Variants in EP400 observed in about 807,000 individuals in gnomAD.
EP400 encodes the protein E1A binding protein p400, also known as E1A-binding protein p400.
EP400 carries 105 observed loss-of-function variants against 354.1 expected under a neutral mutation model. That is an observed-to-expected ratio of 0.30 (90% CI 0.25 to 0.35). The LOEUF (loss-of-function observed/expected upper bound fraction) is 0.35. Among genes scored for constraint, EP400 ranks in the 10% least tolerant of loss-of-function variants. The probability of loss-of-function intolerance (pLI) is 1.00; values close to 1 mark genes in which losing one functional copy is unlikely to be tolerated. For synonymous variants in EP400, 1,646 were observed against 1,716.9 expected (o/e 0.96, Z 1.02); for missense variants, 3,280 against 4,121.0 (o/e 0.80, Z 5.59).
At chr12:132,031,373 A>G in intron 29 of EP400, 1 of 518,972 alleles carries the variant, frequency 1.9e-6, no homozygotes, top group Non-Finnish European at 3.8e-6. Flanking sequence ...TGCAAGGTGG[A>G]CTCTAACTTT....
In EP400 at chr12:132,025,173, A is replaced by G. The variant is rs985004376; in HGVS notation, c.4856-473A>G. 6.6e-6 allele frequency among the ~76,000 whole-genome samples: 1 copy of G among 152,140 alleles called. No individual in the cohort carries two copies. The highest frequency in any genetic ancestry group is 2.1e-4 in the South Asian group (1 of 4,824). ...ATTCATAGAGATGACCTGGGAAACT[A>G]TCTTCTCCAGAGTAAAAGAAGTCAG... On this transcript the variant is annotated intron_variant, in intron 24 of 52. Transcript: ENST00000389561. This position sits in a 1 kb window ranked among gnomAD's most constrained non-coding sequence, Gnocchi z 4.1.
chr12:132,013,733 G>C lies in EP400; in HGVS notation c.3787-44G>C, dbSNP rs1721889321. On this transcript the variant is annotated intron_variant, in intron 18 of 52. Coordinates refer to ENST00000389561, the MANE Select transcript of EP400 (RefSeq NM_015409.5). This position sits in a 1 kb window ranked among gnomAD's most constrained non-coding sequence, Gnocchi z 4.5. ...TATGCCTTGTTATAAACGTGTTACA[G>C]CAGCATTTTTGGAAAGAAAACAGTA... 1 of 1,610,702 alleles carries C rather than the reference G, an allele frequency of 6.2e-7. No individual in the cohort carries two copies. The highest frequency in any genetic ancestry group is 8.5e-7 in the Non-Finnish European group (1 of 1,178,416).
At chr12:131,987,634 T>A in intron 6 of EP400, 71 bp from the exon 7 acceptor site, 1 of 1,400,342 alleles carries the variant, frequency 7.1e-7, no homozygotes, top group South Asian at 1.5e-5. Flanking sequence ...GGCTTCAAAT[T>A]TCTGGGGTCT....
At position 132,005,196 on chromosome 12, in the gene EP400, G is replaced by A. The variant is rs758999786; in HGVS notation, c.2935+12G>A. On this transcript the variant is annotated intron_variant, in intron 13 of 52. Coordinates refer to ENST00000389561, the MANE Select transcript of EP400 (RefSeq NM_015409.5). ...AAGCGGAGAGGAAGGTGCGCTCCCAGCCTTTGGAAGAATTCAGGGTTAAAA... is the reference window on the plus strand; with the variant it reads ...AAGCGGAGAGGAAGGTGCGCTCCCAACCTTTGGAAGAATTCAGGGTTAAAA... 1 of 1,545,888 alleles carries A rather than the reference G, an allele frequency of 6.5e-7. No homozygotes were observed. Among genetic ancestry groups the A allele is most frequent in the Non-Finnish European group, 8.8e-7 (1 of 1,141,506 alleles).
At chr12:132,040,299 C>T (rs1479217995) in intron 32 of EP400, among the ~76,000 whole-genome samples, 2 of 151,904 alleles carry the variant, frequency 1.3e-5, no homozygotes, top group Non-Finnish European at 2.9e-5. Context: ...CCATGGGAGA[C>T]GGCAGGGAGG....
intron 16 of EP400, among the ~76,000 whole-genome samples, chr12:132,012,426 G>A (rs960004011): frequency 1.3e-5 from 2 of 152,140 alleles, no homozygotes; most frequent in Non-Finnish European, 2.9e-5. Flanking sequence ...GGGACATGGC[G>A]GAAGGGATGG....
At chr12:132,047,999 G>A (rs900449030) in intron 39 of EP400, among the ~76,000 whole-genome samples, 6 of 152,238 alleles carry the variant, frequency 3.9e-5, no homozygotes, top group African/African-American at 9.6e-5. Context: ...GAGAAATACG[G>A]CTCTGTTCCG....
chr12:132,011,739 A>G (rs1181184679), intron 16 of EP400, 105 bp downstream of exon 16: 1 of 1,335,830 alleles, frequency 7.5e-7, no homozygotes. Context: ...TGGAATTATT[A>G]AAGATCACTC....
rs1025737660 is a variant in EP400, at chr12:132,070,035, T to C, written c.9021+394T>C. Among the ~76,000 whole-genome samples, 1 of 152,184 alleles carries C rather than the reference T, an allele frequency of 6.6e-6. No homozygotes were observed. The highest frequency in any genetic ancestry group is 1.5e-5 in the Non-Finnish European group (1 of 68,038). ...CCTGGTGTCTTTGGGAGAACTGAGT[T>C]CCTGATTTCATGTGTGCAGTGTGCC... On this transcript the variant is annotated intron_variant, in intron 51 of 52. Transcript: ENST00000389561. This position sits in a 1 kb window ranked among gnomAD's most constrained non-coding sequence, Gnocchi z 4.1.
intron 48 of EP400, chr12:132,065,606 C>T (rs1362333809): frequency 6.6e-6 from 1 of 152,300 alleles, no homozygotes; most frequent in Non-Finnish European, 1.5e-5. Flanking sequence ...TAAGTTCCCA[C>T]CCAAATCCCA....
At position 131,960,533 on chromosome 12, in the gene EP400, T is replaced by G. The variant is rs1593309760; in HGVS notation, c.-35-52T>G. On this transcript the variant is annotated intron_variant, in intron 1 of 52. Transcript: ENST00000389561. The stretch of plus-strand genomic sequence containing the variant: ...TCTTTTCAGTGCTGTTAAGTGTCAA[T>G]AAAACAGTTATGTGTGCCTTCAAGT... 7 of 1,466,448 alleles carry G rather than the reference T, an allele frequency of 4.8e-6. No individual in the cohort carries two copies. In the East Asian group the frequency reaches 1.7e-4, roughly 36 times the overall value. 90.8% of individuals were successfully genotyped at this position (1,466,448 alleles called of 1,614,324 possible).
chr12:131,983,069 G>A (rs1892736767), intron 5 of EP400, among the ~76,000 whole-genome samples: 2 of 152,188 alleles, frequency 1.3e-5, no homozygotes, highest in African/African-American at 4.8e-5. Context: ...TGTGTGAAGG[G>A]CATGGTGTCA....
At chr12:131,972,551 G>A (rs902605277) in intron 2 of EP400, among the ~76,000 whole-genome samples, 1 of 151,984 alleles carries the variant, frequency 6.6e-6, no homozygotes, top group South Asian at 2.1e-4. Flanking sequence ...ACTAATTTCT[G>A]TTTCGAAAAG....
intron 50 of EP400, chr12:132,069,292 C>T: frequency 4.7e-6 from 3 of 644,178 alleles, no homozygotes; most frequent in Non-Finnish European, 7.4e-6. Context: ...AAGCTGGCGG[C>T]CATGCCGCAT....
At chr12:132,016,730 G>A in intron 19 of EP400, among the ~76,000 whole-genome samples, 1 of 152,172 alleles carries the variant, frequency 6.6e-6, no homozygotes, top group Admixed American at 6.5e-5. Flanking sequence ...CTGCACTTGA[G>A]CTGACCCTTG....
In EP400 at chr12:132,067,449, C is replaced by T; in HGVS notation, c.8837C>T (p.Pro2946Leu). The T allele has an allele frequency of 1.2e-6, 2 of 1,613,376 alleles. No homozygotes were observed. The highest frequency in any genetic ancestry group is 1.1e-5 in the South Asian group (1 of 91,064). The stretch of plus-strand genomic sequence containing the variant: ...GTCCAGCAGCAGAAGGCCATCCAGC[C>T]CCAGGCTGCACAGGGCCCGGCAGCC... The part of the protein sequence containing the change: ...QAVQQQKAIQ[P>L]QAAQGPAAVQ... Residue 2946 changes from proline to leucine, a missense_variant, in exon 50 of 53, where the codon CCC (proline) becomes CTC (leucine). Around this residue, in one of 20 missense-constraint regions of EP400, gnomAD observed 279 missense variants for 386.7 expected, o/e 0.72. Coordinates refer to ENST00000389561, the MANE Select transcript of EP400 (RefSeq NM_015409.5). This position sits in a 1 kb window ranked among gnomAD's most constrained non-coding sequence, Gnocchi z 5.3.
intron 5 of EP400, among the ~76,000 whole-genome samples, chr12:131,986,043 T>C (rs1892844379): frequency 6.6e-6 from 1 of 152,184 alleles, no homozygotes; most frequent in South Asian, 2.1e-4. Flanking sequence ...GGCACAAACA[T>C]GACTCACTGC....
intron 32 of EP400, among the ~76,000 whole-genome samples, chr12:132,041,166 G>T (rs1894891525): frequency 6.6e-6 from 1 of 152,224 alleles, no homozygotes; most frequent in Admixed American, 6.5e-5. Flanking sequence ...TGCTGTACTC[G>T]TACCTGCCGC....
intron 2 of EP400, among the ~76,000 whole-genome samples, chr12:131,974,239 A>G (rs1452392191): frequency 6.6e-6 from 1 of 151,996 alleles, no homozygotes; most frequent in Non-Finnish European, 1.5e-5. Flanking sequence ...TCAGCCTCCC[A>G]AAGTGCTGGG....
Sources: gnomAD v4.1 joint callset for allele counts (sites outside exome capture counted in the v4.1 genomes callset) on GRCh38, gnomAD v4.1.1 for gene constraint, gnomAD v4.1.1 regional missense constraint, Gnocchi (gnomAD v3.1) non-coding constraint, MANE v1.5 for transcripts, NCBI Gene and HGNC (gene_info 2026-07-23, HGNC 2026-07-21) for gene names.